Variants in PCDHGB6 observed in about 807,000 individuals in gnomAD.
PCDHGB6 encodes protocadherin gamma subfamily B, 6, also known as protocadherin gamma-B6.
In PCDHGB6, 51 loss-of-function variants were observed where a neutral mutation model predicts 59.1. The ratio of observed to expected loss-of-function variants is 0.86; its 90% CI spans 0.69 to 1.09. The LOEUF (loss-of-function observed/expected upper bound fraction) is 1.09, where lower values mean the gene tolerates loss of function less well. Ranked by LOEUF, PCDHGB6 falls within the 50% of genes least tolerant of loss-of-function variation. The pLI, the probability that PCDHGB6 is intolerant of heterozygous loss-of-function variation, is 0.00. For missense variants in PCDHGB6, 1,148 were observed against 1,205.1 expected, an observed-to-expected ratio of 0.95 and a Z score of 0.70; for synonymous variants, 466 against 495.1, an observed-to-expected ratio of 0.94 and a Z score of 0.78.
Position 141,431,732 on chromosome 5 carries a change from G to C in PCDHGB6, c.2418+21112G>C. 1 of 1,614,238 alleles carries C rather than the reference G, an allele frequency of 6.2e-7. No individual in the cohort carries two copies. Among genetic ancestry groups the C allele is most frequent in the Non-Finnish European group, 8.5e-7 (1 of 1,180,046 alleles). On this transcript the variant is annotated intron_variant, in intron 1 of 3. Coordinates refer to ENST00000520790, the MANE Select transcript of PCDHGB6 (RefSeq NM_018926.3). The surrounding 1 kb of genome is among the most constrained non-coding windows in gnomAD (Gnocchi z 4.8). ...GATGGAAGTGCAAGCAATGGATAAT[G>C]CAGGATATTCTGCGCGAGCCAAAGT...
rs778509378 is a variant in PCDHGB6, at chr5:141,410,091, G to C, written c.1889G>C (p.Arg630Pro). The C allele has an allele frequency of 5.0e-6, 8 of 1,612,400 alleles. No individual in the cohort carries two copies. The highest frequency in any genetic ancestry group is 1.1e-5 in the South Asian group (1 of 91,012). Residue 630 changes from arginine (R) to proline (P), a missense_variant, in exon 1 of 4, where the codon CGA becomes CCA. Around this residue, in one of 5 missense-constraint regions of PCDHGB6, gnomAD observed 549 missense variants for 527.5 expected, o/e 1.04. Transcript: ENST00000520790. ...GLRTGEVRTA[R>P]ALGDRDAARQ... Reference sequence around the variant, plus strand: ...CGCACTGGGGAGGTGCGCACGGCTCGAGCCTTAGGCGACAGGGACGCAGCC... The same window carrying C: ...CGCACTGGGGAGGTGCGCACGGCTCCAGCCTTAGGCGACAGGGACGCAGCC...
In PCDHGB6 at chr5:141,511,532, T is replaced by G. The variant is rs548369303; in HGVS notation, c.*359T>G. Reference sequence around the variant, plus strand: ...GCCCATCCATCCCATGCCTCCCTCCTCCCCACCCCACTCCAACAGTTCCTC... The same window carrying G: ...GCCCATCCATCCCATGCCTCCCTCCGCCCCACCCCACTCCAACAGTTCCTC... On this transcript the variant is annotated 3_prime_UTR_variant, in exon 4 of 4. Transcript: ENST00000520790. 3.6e-5 allele frequency: 12 copies of G among 335,506 alleles called. No homozygotes were observed. In the East Asian group the frequency reaches 8.0e-4, roughly 22 times the overall value. The allele number at this position is 335,506 out of a possible 1,614,324, so 20.8% of individuals were successfully genotyped here. A position where few individuals can be genotyped will look rare whatever the true frequency, so the allele number is the denominator to read the frequency against.
At position 141,409,522 on chromosome 5, in the gene PCDHGB6, G is replaced by C; in HGVS notation, c.1320G>C (p.Leu440Phe). Residue 440 changes from leucine (L) to phenylalanine (F), a missense_variant, in exon 1 of 4, where the codon TTG becomes TTC. Coordinates refer to ENST00000520790, the MANE Select transcript of PCDHGB6 (RefSeq NM_018926.3). The part of the protein sequence containing the change: ...PPLSSSRSIT[L>F]YVADINDNAP... Reference sequence around the variant, plus strand: ...TTTCTTCCAGTAGAAGCATCACCTTGTATGTCGCTGACATCAACGACAACG... The same window carrying C: ...TTTCTTCCAGTAGAAGCATCACCTTCTATGTCGCTGACATCAACGACAACG... The C allele has an allele frequency of 2.5e-6, 4 of 1,613,992 alleles. No homozygotes were observed. The highest frequency in any genetic ancestry group is 3.4e-6 in the Non-Finnish European group (4 of 1,179,900).
At position 141,408,778 on chromosome 5, in the gene PCDHGB6, A is replaced by G. The variant is rs1261786266; in HGVS notation, c.576A>G (p.Pro192=). ...TTAATTCCGATGGTGGCAAATACCC[A>G]GAGTTATCTCTGGAGAAACTCCTAG... ...VRVNSDGGKY[P]ELSLEKLLDR... The change falls in exon 1 of 4, where the codon CCA becomes CCG. Residue 192 remains proline (P), a synonymous_variant. Coordinates refer to ENST00000520790, the MANE Select transcript of PCDHGB6 (RefSeq NM_018926.3). 6.2e-7 allele frequency: 1 copy of G among 1,612,198 alleles called. No homozygotes were observed. The highest frequency in any genetic ancestry group is 8.5e-7 in the Non-Finnish European group (1 of 1,179,030).
intron 1 of PCDHGB6, chr5:141,433,201 CTTCT>C (rs759014851): frequency 3.9e-5 from 61 of 1,573,466 alleles, no homozygotes; most frequent in Admixed American, 1.2e-4. Flanking sequence ...TATATCAAAT[CTTCT>C]TTCTTTTTTT....
intron 1 of PCDHGB6, chr5:141,423,750 TGGGG>T: frequency 7.0e-5 from 20 of 287,406 alleles, no homozygotes; most frequent in Non-Finnish European, 9.0e-5. Context: ...GAAAACTGTT[TGGGG>T]GGGGGGTGGG....
At chr5:141,467,747 C>T (rs56743829) in intron 1 of PCDHGB6, among the ~76,000 whole-genome samples, 7,097 of 152,110 alleles carry the variant, frequency 0.047, 213 homozygotes, top group Middle Eastern at 0.092. Context: ...CTGCAACCTC[C>T]GCCTCACATG....
At chr5:141,427,365 TG>T (rs1391779401) in intron 1 of PCDHGB6, 2 of 457,804 alleles carry the variant, frequency 4.4e-6, no homozygotes, top group Non-Finnish European at 8.8e-6. Flanking sequence ...CGCAGAACCC[TG>T]GACGGTGATC....
rs1050545030 is a variant in PCDHGB6, at chr5:141,410,711, A to G, written c.2418+91A>G. The G allele has an allele frequency of 4.2e-6, 6 of 1,436,568 alleles. No individual in the cohort carries two copies. In the African/African-American group the frequency reaches 7.6e-5, roughly 18 times the overall value. The allele number at this position is 1,436,568 out of a possible 1,614,324, so 89.0% of individuals were successfully genotyped here. A position where few individuals can be genotyped will look rare whatever the true frequency, so the allele number is the denominator to read the frequency against. ...CTACTTTATTTTCATATCTAGAATC[A>G]TATGTTTAAAATCCATAGCTTTTTA... On this transcript the variant is annotated intron_variant, in intron 1 of 3. Transcript: ENST00000520790.
chr5:141,489,222 A>C lies in PCDHGB6; in HGVS notation c.2419-5585A>C. On this transcript the variant is annotated intron_variant, in intron 1 of 3. Coordinates refer to ENST00000520790, the MANE Select transcript of PCDHGB6 (RefSeq NM_018926.3). The surrounding 1 kb of genome is among the most constrained non-coding windows in gnomAD (Gnocchi z 4.5). ...ACAGGACAGCACAGACTTACTCTCC[A>C]CAAAGGGACTTCTGGGTCATGGGGC... 6.6e-7 allele frequency: 1 copy of C among 1,515,652 alleles called. No individual in the cohort carries two copies. Among genetic ancestry groups the C allele is most frequent in the Middle Eastern group, 1.8e-4 (1 of 5,598 alleles). 93.9% of individuals were successfully genotyped at this position (1,515,652 alleles called of 1,614,324 possible).
Position 141,425,952 on chromosome 5 carries a change from T to C in PCDHGB6, c.2418+15332T>C, listed in dbSNP as rs1047436598. 3.9e-5 allele frequency among the ~76,000 whole-genome samples: 6 copies of C among 152,364 alleles called. No individual in the cohort carries two copies. In the South Asian group the frequency reaches 8.3e-4, roughly 21 times the overall value. ...ATAAAATGTCTAGTTTCCTATACATTAGTCCAACACATCAGTCTAATTCTG... is the reference window on the plus strand; with the variant it reads ...ATAAAATGTCTAGTTTCCTATACATCAGTCCAACACATCAGTCTAATTCTG... On this transcript the variant is annotated intron_variant, in intron 1 of 3. Coordinates refer to ENST00000520790, the MANE Select transcript of PCDHGB6 (RefSeq NM_018926.3).
intron 1 of PCDHGB6, chr5:141,419,710 C>T: frequency 6.2e-7 from 1 of 1,613,168 alleles, no homozygotes; most frequent in South Asian, 1.1e-5. Context: ...CCGGGCTCTT[C>T]AGCCTGGGGC....
rs186109113 is a variant in PCDHGB6, at chr5:141,415,284, G to C, written c.2418+4664G>C. ...TGTACCTGGTGGTAGCGGTGGCCGCGGTCTCCTGCGTCTTCCTGGCCTTCG... is the reference window on the plus strand; with the variant it reads ...TGTACCTGGTGGTAGCGGTGGCCGCCGTCTCCTGCGTCTTCCTGGCCTTCG... On this transcript the variant is annotated intron_variant, in intron 1 of 3. Transcript: ENST00000520790. 4,314 of 1,614,198 alleles carry C rather than the reference G, an allele frequency of 2.7e-3. 11 individuals are homozygous for C. The highest frequency in any genetic ancestry group is 7.3e-3 in the Middle Eastern group (44 of 6,062).
chr5:141,463,548 A>C (rs2099063677), intron 1 of PCDHGB6, among the ~76,000 whole-genome samples: 1 of 140,798 alleles, frequency 7.1e-6, no homozygotes, highest in Non-Finnish European at 1.5e-5. Context: ...TCCCGGGTTC[A>C]TGCCATTCTC....
intron 1 of PCDHGB6, chr5:141,414,723 C>T (rs775890033): frequency 1.9e-6 from 3 of 1,614,170 alleles, no homozygotes. Context: ...CAGACACTGG[C>T]GTCCTGTATG....
At chr5:141,460,908 T>C (rs550367008) in intron 1 of PCDHGB6, among the ~76,000 whole-genome samples, 2,136 of 133,318 alleles carry the variant, frequency 0.016, 43 homozygotes, top group African/African-American at 0.062. Flanking sequence ...TAATATTCCA[T>C]GGTGTATATA....
Position 141,450,758 on chromosome 5 carries a change from A to C in PCDHGB6, c.2418+40138A>C, listed in dbSNP as rs1007910264. On this transcript the variant is annotated intron_variant, in intron 1 of 3. Transcript: ENST00000520790. ...CGCCTTGGCCTCCCAAAGTGCCGGGATTACAGGCATGAGCCACCGTGCCCG... is the reference window on the plus strand; with the variant it reads ...CGCCTTGGCCTCCCAAAGTGCCGGGCTTACAGGCATGAGCCACCGTGCCCG... Among the ~76,000 whole-genome samples the C allele has an allele frequency of 5.3e-5, 8 of 151,784 alleles. No individual in the cohort carries two copies. In the East Asian group the frequency reaches 1.4e-3, roughly 26 times the overall value.
intron 1 of PCDHGB6, chr5:141,478,451 G>A (rs377597887): frequency 2.5e-6 from 4 of 1,613,440 alleles, no homozygotes; most frequent in African/African-American, 2.7e-5. Context: ...ACCTGGTGCA[G>A]CCAGTCCACT....
Position 141,490,148 on chromosome 5 carries a change from A to T in PCDHGB6, c.2419-4659A>T. On this transcript the variant is annotated intron_variant, in intron 1 of 3. Transcript: ENST00000520790. This position sits in a 1 kb window ranked among gnomAD's most constrained non-coding sequence, Gnocchi z 5.4. The stretch of plus-strand genomic sequence containing the variant: ...CTAGACCCTAGCAGTGGGGCAATCC[A>T]TGTGTTGGGTCCCATAGACTTTGAG... The T allele has an allele frequency of 6.2e-7, 1 of 1,614,232 alleles. No homozygotes were observed. The highest frequency in any genetic ancestry group is 1.3e-5 in the African/African-American group (1 of 75,068).
Sources: allele counts gnomAD v4.1 joint callset (sites outside exome capture counted in the v4.1 genomes callset), GRCh38; gene constraint gnomAD v4.1.1; regional missense constraint gnomAD v4.1.1; non-coding constraint Gnocchi (gnomAD v3.1); transcripts MANE v1.5; gene names NCBI Gene and HGNC (gene_info 2026-07-23, HGNC 2026-07-21).